Variants in VWA8 observed in about 807,000 individuals in gnomAD.
VWA8 encodes the protein von Willebrand factor A domain containing 8, also known as von Willebrand factor A domain-containing protein 8.
Under a neutral mutation model 241.5 loss-of-function variants are expected in VWA8, and 221 were observed. That is an observed-to-expected ratio of 0.91 (90% confidence interval 0.82 to 1.02). The LOEUF (loss-of-function observed/expected upper bound fraction) is 1.02, where lower values mean the gene tolerates loss of function less well. Among genes scored for constraint, VWA8 ranks in the 50% least tolerant of loss-of-function variants. The pLI, the probability that VWA8 is intolerant of heterozygous loss-of-function variation, is 0.00. For missense variants in VWA8, 2,322 were observed against 2,328.7 expected (o/e 1.00, Z 0.06); for synonymous variants, 852 against 827.1 (o/e 1.03, Z -0.52).
chr13:41,788,045 T>C (rs1869287358), intron 17 of VWA8, among the ~76,000 whole-genome samples: 1 of 152,186 alleles, frequency 6.6e-6, no homozygotes, highest in African/African-American at 2.4e-5. Context: ...TGCTTATCTA[T>C]TCTATGTGTA....
chr13:41,864,394 C>T lies in VWA8; in HGVS notation c.1425+1342G>A, dbSNP rs188167988. 1.8e-3 allele frequency among the ~76,000 whole-genome samples: 276 copies of T among 152,150 alleles called. 1 individual carries two copies. The highest frequency in any genetic ancestry group is 6.4e-3 in the African/African-American group (264 of 41,514). ...TTCACAGCAGAATTACTTACTATAGCCAAAAGGTTACAATAGTCTAAAGGA... is the reference window on the plus strand; with the variant it reads ...TTCACAGCAGAATTACTTACTATAGTCAAAAGGTTACAATAGTCTAAAGGA... On this transcript the variant is annotated intron_variant, in intron 12 of 44. Transcript: ENST00000379310.
intron 39 of VWA8, 138 bp downstream of exon 39, chr13:41,611,438 G>C: frequency 8.7e-7 from 1 of 1,145,722 alleles, no homozygotes; most frequent in Non-Finnish European, 1.2e-6. Flanking sequence ...GACGGGGATG[G>C]CTGTGGATTT....
intron 21 of VWA8, among the ~76,000 whole-genome samples, chr13:41,742,362 T>C (rs904555880): frequency 6.6e-6 from 1 of 152,188 alleles, no homozygotes; most frequent in African/African-American, 2.4e-5. Flanking sequence ...TTCAAAGATA[T>C]ATCCCTGCCC....
intron 26 of VWA8, among the ~76,000 whole-genome samples, chr13:41,714,818 C>T (rs1368499524): frequency 6.6e-6 from 1 of 151,862 alleles, no homozygotes. Context: ...GTTATAATTC[C>T]TTGAAGAATA....
At chr13:41,907,003 CT>C (rs1298748096) in intron 4 of VWA8, among the ~76,000 whole-genome samples, 2 of 152,006 alleles carry the variant, frequency 1.3e-5, no homozygotes, top group African/African-American at 2.4e-5. Flanking sequence ...CTATGAATTG[CT>C]TATTTATAGG....
At chr13:41,613,830 A>G (rs938539605) in intron 38 of VWA8, among the ~76,000 whole-genome samples, 1 of 152,212 alleles carries the variant, frequency 6.6e-6, no homozygotes, top group Non-Finnish European at 1.5e-5. Context: ...GCTCAGTTCA[A>G]AGTAAAGAAT....
intron 9 of VWA8, among the ~76,000 whole-genome samples, chr13:41,878,764 C>A (rs948806284): frequency 2.0e-5 from 3 of 151,928 alleles, no homozygotes; most frequent in East Asian, 1.9e-4. Flanking sequence ...AAAATAAAGA[C>A]CAAAAAATGA....
intron 2 of VWA8, among the ~76,000 whole-genome samples, chr13:41,929,949 CT>C (rs1467187744): frequency 8.1e-4 from 123 of 152,174 alleles, no homozygotes; most frequent in African/African-American, 2.6e-3. Context: ...GAAAAGGTAA[CT>C]TATCAATTAG....
chr13:41,736,901 T>C (rs1269510050), intron 21 of VWA8, among the ~76,000 whole-genome samples: 3 of 146,898 alleles, frequency 2.0e-5, no homozygotes, highest in African/African-American at 7.5e-5. Flanking sequence ...TGGAGCGCAA[T>C]GGCATGATCT....
intron 9 of VWA8, among the ~76,000 whole-genome samples, chr13:41,876,886 C>T (rs1309137789): frequency 1.3e-5 from 2 of 152,100 alleles, no homozygotes; most frequent in African/African-American, 2.4e-5. Context: ...TATGAAGGTT[C>T]TTTCCCTACT....
intron 21 of VWA8, among the ~76,000 whole-genome samples, chr13:41,760,008 T>C (rs1034752222): frequency 7.2e-5 from 11 of 151,796 alleles, no homozygotes; most frequent in African/African-American, 2.4e-4. Flanking sequence ...GGGCTTAGTT[T>C]TAAAATTTGT....
intron 26 of VWA8, among the ~76,000 whole-genome samples, chr13:41,712,965 GAT>G (rs1010338012): frequency 6.6e-6 from 1 of 152,168 alleles, no homozygotes; most frequent in Non-Finnish European, 1.5e-5. Flanking sequence ...ACCCTCACTT[GAT>G]ATGTTTATGT....
In VWA8 at chr13:41,568,320, A is replaced by C. The variant is rs1001515650; in HGVS notation, c.5610-15T>G. ...TTCTCTGAAGCCTGCCAGGATGGAA[A>C]GGGAAAGGAAGTTACCACTGTAAAT... is the stretch of plus-strand genomic sequence containing the variant. On this transcript the variant is annotated splice_polypyrimidine_tract_variant and intron_variant, in intron 44 of 44. Transcript: ENST00000379310. 6.2e-7 allele frequency: 1 copy of C among 1,610,968 alleles called. No homozygotes were observed. Among genetic ancestry groups the C allele is most frequent in the Admixed American group, 1.7e-5 (1 of 60,014 alleles).
At chr13:41,722,613 C>A (rs2045401826) in intron 24 of VWA8, among the ~76,000 whole-genome samples, 1 of 152,088 alleles carries the variant, frequency 6.6e-6, no homozygotes, top group South Asian at 2.1e-4. Context: ...AAACCTATCA[C>A]TAACATAAAA....
intron 21 of VWA8, among the ~76,000 whole-genome samples, chr13:41,744,926 C>T (rs938475650): frequency 6.6e-6 from 1 of 152,106 alleles, no homozygotes; most frequent in African/African-American, 2.4e-5. Flanking sequence ...CAAGCTCCAC[C>T]TCCTGGGTTC....
At chr13:41,796,208 TA>T (rs1465666905) in intron 17 of VWA8, among the ~76,000 whole-genome samples, 8 of 152,206 alleles carry the variant, frequency 5.3e-5, no homozygotes, top group Non-Finnish European at 1.0e-4. Context: ...GTCTAGGTTA[TA>T]CTAGACTCAA....
chr13:41,728,469 C>T (rs2045454990), intron 23 of VWA8, among the ~76,000 whole-genome samples: 1 of 151,888 alleles, frequency 6.6e-6, no homozygotes, highest in South Asian at 2.1e-4. Context: ...ATGACTATTC[C>T]TCAAAAACAT....
chr13:41,655,009 C>T (rs2044893314), intron 37 of VWA8, among the ~76,000 whole-genome samples: 2 of 151,914 alleles, frequency 1.3e-5, no homozygotes, highest in Admixed American at 1.3e-4. Context: ...CACATTAATG[C>T]TATATCAATG....
chr13:41,658,835 G>A (rs1353031177), intron 37 of VWA8, among the ~76,000 whole-genome samples: 7 of 152,194 alleles, frequency 4.6e-5, no homozygotes. Flanking sequence ...GAAATACATG[G>A]GCTATGCTCT....
Sources: allele counts gnomAD v4.1 joint callset (sites outside exome capture counted in the v4.1 genomes callset), GRCh38; gene constraint gnomAD v4.1.1; transcripts MANE v1.5; gene names NCBI Gene and HGNC (gene_info 2026-07-23, HGNC 2026-07-21).